The following DNAH9 variants were observed in gnomAD, a reference collection of about 807,000 sequenced individuals.
The protein encoded by DNAH9 is DNAH9 variant protein.
Under a neutral mutation model 471.6 loss-of-function variants are expected in DNAH9, and 345 were observed. The ratio of observed to expected loss-of-function variants is 0.73; its 90% CI spans 0.67 to 0.80. The LOEUF (loss-of-function observed/expected upper bound fraction) is 0.80, where lower values mean the gene tolerates loss of function less well. Among genes scored for constraint, DNAH9 ranks in the 30% least tolerant of loss-of-function variants. The probability of loss-of-function intolerance (pLI) is 0.00; values close to 1 mark genes in which losing one functional copy is unlikely to be tolerated. For synonymous variants in DNAH9, 2,093 were observed against 2,123.6 expected (o/e 0.99, Z 0.40); for missense variants, 5,407 against 5,609.2 (o/e 0.96, Z 1.15).
chr17:11,829,151 G>A (rs1309037281), intron 48 of DNAH9, among the ~76,000 whole-genome samples: 1 of 152,124 alleles, frequency 6.6e-6, no homozygotes, highest in Non-Finnish European at 1.5e-5. Flanking sequence ...GGTATCTATG[G>A]TTCCTAACTC....
At chr17:11,795,739 C>G (rs1354996466) in intron 42 of DNAH9, among the ~76,000 whole-genome samples, 1 of 152,186 alleles carries the variant, frequency 6.6e-6, no homozygotes, top group Non-Finnish European at 1.5e-5. Flanking sequence ...TCGGTCTGAG[C>G]TAGCACTTCA....
rs1342352035 is a variant in DNAH9, at chr17:11,644,694, A to G, written c.1965A>G (p.Leu655=). The change falls in exon 11 of 69, where the codon CTA becomes CTG. Residue 655 remains leucine (L), a synonymous_variant. Coordinates refer to ENST00000262442, the MANE Select transcript of DNAH9 (RefSeq NM_001372.4). ...AATATGAAGATATGCTGTCATTGCT[A>G]GAAAAGTAAGCAACTTCTGGCATTG... ...QQKYEDMLSL[L]EKYETRLYED... 1.9e-6 allele frequency: 3 copies of G among 1,611,544 alleles called. No individual in the cohort carries two copies. The highest frequency in any genetic ancestry group is 1.7e-6 in the Non-Finnish European group (2 of 1,178,442).
intron 59 of DNAH9, among the ~76,000 whole-genome samples, chr17:11,899,830 G>A (rs1973346501): frequency 6.6e-6 from 1 of 152,144 alleles, no homozygotes; most frequent in African/African-American, 2.4e-5. Flanking sequence ...TGCTGGCCAG[G>A]CAGATGTCAA....
intron 43 of DNAH9, among the ~76,000 whole-genome samples, chr17:11,798,249 G>A (rs1428007556): frequency 1.3e-5 from 2 of 151,618 alleles, no homozygotes; most frequent in South Asian, 2.1e-4. Flanking sequence ...TGGCTAACAC[G>A]GTGAAACCCC....
intron 38 of DNAH9, among the ~76,000 whole-genome samples, chr17:11,777,406 G>T (rs1038848915): frequency 2.0e-5 from 3 of 152,056 alleles, no homozygotes; most frequent in Admixed American, 2.0e-4. Context: ...GTCTCTTCTT[G>T]TTCTTTTTGA....
intron 65 of DNAH9, among the ~76,000 whole-genome samples, chr17:11,936,619 T>C (rs1426260248): frequency 6.6e-6 from 1 of 152,072 alleles, no homozygotes; most frequent in African/African-American, 2.4e-5. Context: ...TCTAGTTTTT[T>C]CAGCAGAGTG....
At position 11,783,626 on chromosome 17, in the gene DNAH9, A is replaced by C; in HGVS notation, c.7719-20A>C. 31 of 1,596,134 alleles carry C rather than the reference A, an allele frequency of 1.9e-5. No individual in the cohort carries two copies. Among genetic ancestry groups the C allele is most frequent in the Middle Eastern group, 1.7e-4 (1 of 6,018 alleles). ...CTCAGTCCTCAGACACCTTTCACCT[A>C]GAGCTTCTGACTGTTCCAGGTATGA... On this transcript the variant is annotated intron_variant, in intron 39 of 68. Transcript: ENST00000262442.
At chr17:11,954,671 T>C (rs986385283) in intron 67 of DNAH9, among the ~76,000 whole-genome samples, 1 of 150,404 alleles carries the variant, frequency 6.6e-6, no homozygotes, top group Admixed American at 6.6e-5. Flanking sequence ...GGACAAGAAA[T>C]GTTAAAGAAA....
At chr17:11,755,204 A>G (rs1320625610) in intron 33 of DNAH9, among the ~76,000 whole-genome samples, 2 of 152,170 alleles carry the variant, frequency 1.3e-5, no homozygotes, top group East Asian at 3.8e-4. Context: ...TACCAGTACC[A>G]TGCTGTTTTG....
At chr17:11,921,185 G>A (rs1450483161) in intron 61 of DNAH9, among the ~76,000 whole-genome samples, 1 of 151,798 alleles carries the variant, frequency 6.6e-6, no homozygotes, top group Non-Finnish European at 1.5e-5. Flanking sequence ...GGAGGTTGCA[G>A]TAAGGTGAGA....
intron 37 of DNAH9, 131 bp from the exon 38 acceptor site, chr17:11,768,991 C>A: frequency 1.1e-6 from 1 of 923,030 alleles, no homozygotes; most frequent in Non-Finnish European, 1.7e-6. Context: ...GGAAGATACT[C>A]CTGACCGGTG....
intron 39 of DNAH9, among the ~76,000 whole-genome samples, chr17:11,782,981 C>A (rs929986078): frequency 6.6e-5 from 10 of 152,186 alleles, no homozygotes; most frequent in African/African-American, 2.2e-4. Context: ...TCTGTCCCCA[C>A]TCTCTTATCT....
intron 19 of DNAH9, 131 bp downstream of exon 19, chr17:11,681,020 G>C (rs2074124711): frequency 1.1e-6 from 1 of 890,504 alleles, no homozygotes; most frequent in Admixed American, 2.7e-5. Context: ...TCCCATTTAG[G>C]ACCTTTGGTT....
In DNAH9 at chr17:11,834,861, T is replaced by A; in HGVS notation, c.9470T>A (p.Leu3157His). The A allele has an allele frequency of 6.2e-7, 1 of 1,613,712 alleles. No individual in the cohort carries two copies. The highest frequency in any genetic ancestry group is 8.5e-7 in the Non-Finnish European group (1 of 1,179,938). Residue 3157 changes from leucine (L) to histidine (H), a missense_variant, in exon 49 of 69, where the codon CTC becomes CAC. Transcript: ENST00000262442. ...GACCTGGCAAAGGCTGAGCCAGCAC[T>A]CACAGCAGCGCAGGCAGCTCTCAAC... ...EEDLAKAEPA[L>H]TAAQAALNTL...
chr17:11,737,948 A>T (rs962427743), intron 28 of DNAH9, among the ~76,000 whole-genome samples: 14 of 152,032 alleles, frequency 9.2e-5, no homozygotes. Flanking sequence ...TTTCTAAGCA[A>T]TTTTCTTTAG....
chr17:11,636,541 C>CATA, intron 8 of DNAH9, 93 bp from the exon 9 acceptor site: 1 of 898,510 alleles, frequency 1.1e-6, no homozygotes, highest in Non-Finnish European at 1.8e-6. Context: ...CATTGGTAGG[C>CATA]ATATAAAGGA....
At chr17:11,728,079 AAG>A in intron 28 of DNAH9, 157 bp downstream of exon 28, 1 of 606,908 alleles carries the variant, frequency 1.6e-6, no homozygotes, top group Admixed American at 2.8e-5. Context: ...GGCTCCAGGG[AAG>A]CTGTCCTCCA....
At position 11,822,024 on chromosome 17, in the gene DNAH9, T is replaced by C. The variant is rs756906002; in HGVS notation, c.8812T>C (p.Trp2938Arg). 1 of 1,614,068 alleles carries C rather than the reference T, an allele frequency of 6.2e-7. No individual in the cohort carries two copies. The highest frequency in any genetic ancestry group is 8.5e-7 in the Non-Finnish European group (1 of 1,179,988). ...QGLVDNRENC[W>R]KFFIDRIRRQ... ...TCTGGTTGACAACAGAGAGAACTGTTGGAAGTTCTTTATAGATCGGATCCG... is the reference window on the plus strand; with the variant it reads ...TCTGGTTGACAACAGAGAGAACTGTCGGAAGTTCTTTATAGATCGGATCCG... The change falls in exon 46 of 69, where the codon TGG becomes CGG. Residue 2938 changes from tryptophan (W) to arginine (R), a missense_variant. Around this residue, in one of 3 missense-constraint regions of DNAH9, gnomAD observed 4,636 missense variants for 4,900.3 expected, o/e 0.95. Transcript: ENST00000262442.
At chr17:11,806,785 G>A (rs1226820747) in intron 43 of DNAH9, among the ~76,000 whole-genome samples, 2 of 152,094 alleles carry the variant, frequency 1.3e-5, no homozygotes, top group Non-Finnish European at 2.9e-5. Flanking sequence ...TTTCTGTATT[G>A]TACGCATTTT....
Sources: allele counts gnomAD v4.1 joint callset (sites outside exome capture counted in the v4.1 genomes callset), GRCh38; gene constraint gnomAD v4.1.1; regional missense constraint gnomAD v4.1.1; transcripts MANE v1.5; gene names NCBI Gene and HGNC (gene_info 2026-07-23, HGNC 2026-07-21).